LHPP: variants seen among roughly 807,000 people sequenced by gnomAD.
LHPP encodes phospholysine phosphohistidine inorganic pyrophosphate phosphatase, also known as hLHPP.
In LHPP, 24 loss-of-function variants were observed where a neutral mutation model predicts 30.3. The ratio of observed to expected loss-of-function variants is 0.79; its 90% CI spans 0.57 to 1.11. LHPP has a LOEUF of 1.11. Among genes scored for constraint, LHPP ranks in the 50% most tolerant of loss-of-function variants. The pLI, the probability that LHPP is intolerant of heterozygous loss-of-function variation, is 0.00. For synonymous variants in LHPP, 150 were observed against 157.1 expected (o/e 0.95, Z 0.34); for missense variants, 356 against 367.2 (o/e 0.97, Z 0.25).
intron 1 of LHPP, among the ~76,000 whole-genome samples, chr10:124,467,803 C>T (rs1814426153): frequency 6.6e-6 from 1 of 151,952 alleles, no homozygotes; most frequent in Non-Finnish European, 1.5e-5. Context: ...GCAGCCTCCG[C>T]CTCCTGGGTT....
chr10:124,611,614 G>C (rs1169695243), intron 6 of LHPP, among the ~76,000 whole-genome samples: 2 of 151,966 alleles, frequency 1.3e-5, no homozygotes, highest in Admixed American at 6.5e-5. Context: ...TCCCCTCCCA[G>C]GGACTGCCCC....
intron 5 of LHPP, among the ~76,000 whole-genome samples, chr10:124,514,585 T>C (rs1034813772): frequency 6.6e-6 from 1 of 152,340 alleles, no homozygotes; most frequent in Admixed American, 6.5e-5. Flanking sequence ...GTACATAACA[T>C]GTCTCTTTTG....
chr10:124,549,108 AC>A (rs1386015548), intron 6 of LHPP, among the ~76,000 whole-genome samples: 1 of 152,238 alleles, frequency 6.6e-6, no homozygotes, highest in Non-Finnish European at 1.5e-5. Context: ...TTCCCACAAA[AC>A]AATTTTCCGC....
chr10:124,526,894 G>A (rs1954754123), intron 6 of LHPP, among the ~76,000 whole-genome samples: 1 of 152,246 alleles, frequency 6.6e-6, no homozygotes, highest in East Asian at 1.9e-4. Context: ...GCCGTGGCCA[G>A]GCCGCAGCAA....
intron 6 of LHPP, among the ~76,000 whole-genome samples, chr10:124,577,048 C>T (rs972776881): frequency 6.6e-6 from 1 of 152,244 alleles, no homozygotes; most frequent in African/African-American, 2.4e-5. Context: ...TGAGCGCATA[C>T]TCAGTCTTTC....
chr10:124,467,785 G>C (rs924724179), intron 1 of LHPP, among the ~76,000 whole-genome samples: 26 of 151,792 alleles, frequency 1.7e-4, no homozygotes, highest in Admixed American at 1.7e-3. Flanking sequence ...GTATGATCTC[G>C]GCTCACTGCA....
intron 6 of LHPP, among the ~76,000 whole-genome samples, chr10:124,569,906 C>A (rs919723756): frequency 3.9e-5 from 6 of 152,196 alleles, no homozygotes; most frequent in African/African-American, 7.2e-5. Context: ...CCACACAGAT[C>A]AAGATGTAGA....
At chr10:124,594,361 A>G (rs1948917281) in intron 6 of LHPP, among the ~76,000 whole-genome samples, 3 of 147,642 alleles carry the variant, frequency 2.0e-5, no homozygotes, top group Non-Finnish European at 4.5e-5. Context: ...AGACAGCATC[A>G]CTGTAGCCAA....
rs1015263405 is a variant in LHPP, at chr10:124,541,833, C to T, written c.716+24562C>T. Among the ~76,000 whole-genome samples the T allele has an allele frequency of 1.1e-4, 17 of 152,058 alleles. No homozygotes were observed. The highest frequency in any genetic ancestry group is 7.2e-4 in the Admixed American group (11 of 15,272). On this transcript the variant is annotated intron_variant, in intron 6 of 6. Coordinates refer to ENST00000368842, the MANE Select transcript of LHPP (RefSeq NM_022126.4). This position sits in a 1 kb window ranked among gnomAD's most constrained non-coding sequence, Gnocchi z 4.2. ...GTGGGCTGGGCGGGCCAGGCCCCGG[C>T]CCAGATGGGGTGACCTTTCCTTCAC...
chr10:124,574,704 T>C (rs927603425), intron 6 of LHPP, among the ~76,000 whole-genome samples: 12 of 152,064 alleles, frequency 7.9e-5, no homozygotes, highest in African/African-American at 2.2e-4. Flanking sequence ...AGGGGGGATT[T>C]GTAGGGACAG....
chr10:124,481,373 CTTTTTTTTT>C (rs34839158), intron 1 of LHPP, among the ~76,000 whole-genome samples: 31 of 85,026 alleles, frequency 3.6e-4, no homozygotes, highest in Non-Finnish European at 5.1e-4. Context: ...TATCTGCCCC[CTTTTTTTTT>C]TTTTTTTTTT....
At position 124,471,236 on chromosome 10, in the gene LHPP, C is replaced by G. The variant is rs146134571; in HGVS notation, c.125+9249C>G. 8.2e-3 allele frequency among the ~76,000 whole-genome samples: 1,237 copies of G among 151,156 alleles called. 12 individuals are homozygous for G. The highest frequency in any genetic ancestry group is 0.024 in the Middle Eastern group (7 of 294). ...CCTGCCCCATCACTCTTGAATGCCA[C>G]CGCCCCACCATTGCCCAAGGCATGT... On this transcript the variant is annotated intron_variant, in intron 1 of 6. Coordinates refer to ENST00000368842, the MANE Select transcript of LHPP (RefSeq NM_022126.4).
In LHPP at chr10:124,496,627, G is replaced by A. The variant is rs1426462787; in HGVS notation, c.468-334G>A. Among the ~76,000 whole-genome samples, 1 of 152,242 alleles carries A rather than the reference G, an allele frequency of 6.6e-6. No homozygotes were observed. The highest frequency in any genetic ancestry group is 1.5e-5 in the Non-Finnish European group (1 of 68,042). The stretch of plus-strand genomic sequence containing the variant: ...ACACAGGTCACTTGTCATTCTCTGT[G>A]TTAGCAACTGAAACCGTCTGCCTTC... On this transcript the variant is annotated intron_variant, in intron 3 of 6. Coordinates refer to ENST00000368842, the MANE Select transcript of LHPP (RefSeq NM_022126.4). This position sits in a 1 kb window ranked among gnomAD's most constrained non-coding sequence, Gnocchi z 4.3.
rs1186823792 is a variant in LHPP at position 124,496,781 on chromosome 10, G to A, written c.468-180G>A. Among the ~76,000 whole-genome samples the A allele has an allele frequency of 1.3e-5, 2 of 152,240 alleles. No individual in the cohort carries two copies. Among genetic ancestry groups the A allele is most frequent in the Non-Finnish European group, 2.9e-5 (2 of 68,034 alleles). ...GCCCCACTGGGTGTGGCGGCCTGCC[G>A]CCCGGCTCTGTGGTGCTGGTCCCCT... On this transcript the variant is annotated intron_variant, in intron 3 of 6. Transcript: ENST00000368842. This position sits in a 1 kb window ranked among gnomAD's most constrained non-coding sequence, Gnocchi z 4.3.
chr10:124,463,661 C>T (rs1952469145), intron 1 of LHPP, among the ~76,000 whole-genome samples: 1 of 147,888 alleles, frequency 6.8e-6, no homozygotes, highest in Non-Finnish European at 1.5e-5. Flanking sequence ...CCGCACCTGG[C>T]TGACACTTTT....
At chr10:124,480,293 T>C (rs7917600) in intron 1 of LHPP, among the ~76,000 whole-genome samples, 32,778 of 152,088 alleles carry the variant, frequency 0.22, 4,339 homozygotes, top group Middle Eastern at 0.32. Flanking sequence ...TTTTCAGGGA[T>C]AGATTTCGTC....
At chr10:124,603,598 C>A (rs1214374520) in intron 6 of LHPP, among the ~76,000 whole-genome samples, 2 of 152,168 alleles carry the variant, frequency 1.3e-5, no homozygotes, top group African/African-American at 4.8e-5. Context: ...TTCAAAGCCG[C>A]CCGAGAAGGT....
intron 5 of LHPP, chr10:124,498,660 C>CTTTTTTT (rs552228070): frequency 1.8e-3 from 653 of 353,570 alleles, no homozygotes; most frequent in East Asian, 3.9e-3. Flanking sequence ...TTTTCTTTTT[C>CTTTTTTT]TTTTTTTTTT....
At chr10:124,529,019 G>A (rs2133927860) in intron 6 of LHPP, among the ~76,000 whole-genome samples, 1 of 129,818 alleles carries the variant, frequency 7.7e-6, no homozygotes, top group South Asian at 2.6e-4. Flanking sequence ...TGTGAATTTG[G>A]GGGATTCTTT....
Sources: gnomAD v4.1 joint callset for allele counts (sites outside exome capture counted in the v4.1 genomes callset) on GRCh38, gnomAD v4.1.1 for gene constraint, Gnocchi (gnomAD v3.1) non-coding constraint, MANE v1.5 for transcripts, NCBI Gene and HGNC (gene_info 2026-07-23, HGNC 2026-07-21) for gene names.